The following MICU2 variants were observed in gnomAD, a reference collection of about 807,000 sequenced individuals.
MICU2 encodes mitochondrial calcium uptake 2.
A neutral mutation model predicts 60.4 loss-of-function variants in MICU2; 64 were observed. The ratio of observed to expected loss-of-function variants is 1.06; its 90% CI spans 0.87 to 1.31. The LOEUF (loss-of-function observed/expected upper bound fraction) is 1.31. MICU2 is among the 50% of genes most tolerant of loss of function. The probability of loss-of-function intolerance (pLI) is 0.00; values close to 1 mark genes in which losing one functional copy is unlikely to be tolerated. For missense variants in MICU2, 569 were observed against 531.0 expected, an observed-to-expected ratio of 1.07 and a Z score of -0.70; for synonymous variants, 201 against 175.0, an observed-to-expected ratio of 1.15 and a Z score of -1.17.
At chr13:21,583,850 T>G (rs997424282) in intron 1 of MICU2, among the ~76,000 whole-genome samples, 1 of 152,122 alleles carries the variant, frequency 6.6e-6, no homozygotes, top group Non-Finnish European at 1.5e-5. Flanking sequence ...ACTGAAAAAG[T>G]TTTTGTCCTT....
intron 1 of MICU2, among the ~76,000 whole-genome samples, chr13:21,579,633 C>A (rs1029643000): frequency 6.6e-6 from 1 of 152,142 alleles, no homozygotes; most frequent in Non-Finnish European, 1.5e-5. Flanking sequence ...TGAGCCACCA[C>A]GCCCGACTCA....
At chr13:21,525,793 A>C (rs1455779381) in intron 4 of MICU2, among the ~76,000 whole-genome samples, 1 of 151,774 alleles carries the variant, frequency 6.6e-6, no homozygotes, top group Non-Finnish European at 1.5e-5. Flanking sequence ...TCTGGTTATT[A>C]TCCCTTATTA....
rs191826219 is a variant in MICU2 at position 21,504,717 on chromosome 13, T to C, written c.762-1620A>G. Among the ~76,000 whole-genome samples the C allele has an allele frequency of 4.3e-4, 66 of 152,320 alleles. 1 individual carries two copies. The East Asian group carries it at 0.011, about 25-fold the overall frequency. On this transcript the variant is annotated intron_variant, in intron 8 of 11. Transcript: ENST00000382374. ...AATGGGAGAGATCTGTTTTTCCTTA[T>C]TGGAATTGTTTAGGCAGTGTTGTAC...
chr13:21,530,157 C>T (rs545544034), intron 4 of MICU2, among the ~76,000 whole-genome samples: 6 of 152,294 alleles, frequency 3.9e-5, no homozygotes, highest in Admixed American at 3.3e-4. Context: ...ATTTCCCTGC[C>T]AGTCCTTTAT....
chr13:21,571,353 T>C lies in MICU2; in HGVS notation c.211-4409A>G, dbSNP rs187470236. ...AGTTATTTGAGACCAGCCTGAGCAA[T>C]GTAGTGAGACCCTGTCTCTATAAAA... On this transcript the variant is annotated intron_variant, in intron 1 of 11. Transcript: ENST00000382374. 1.7e-3 allele frequency among the ~76,000 whole-genome samples: 258 copies of C among 152,122 alleles called. 3 individuals carry two copies. The highest frequency in any genetic ancestry group is 6.0e-3 in the African/African-American group (250 of 41,498).
intron 2 of MICU2, among the ~76,000 whole-genome samples, chr13:21,558,219 A>T (rs2138028720): frequency 6.6e-6 from 1 of 152,274 alleles, no homozygotes; most frequent in East Asian, 1.9e-4. Flanking sequence ...GTTGCTCCTC[A>T]GGGAGGCAGT....
At chr13:21,512,173 C>T (rs1461267326) in intron 7 of MICU2, among the ~76,000 whole-genome samples, 1 of 152,146 alleles carries the variant, frequency 6.6e-6, no homozygotes, top group African/African-American at 2.4e-5. Context: ...GTATATCTCT[C>T]TATGGTTTTA....
intron 6 of MICU2, among the ~76,000 whole-genome samples, chr13:21,520,363 C>A (rs1374821929): frequency 6.6e-6 from 1 of 152,130 alleles, no homozygotes; most frequent in Non-Finnish European, 1.5e-5. Flanking sequence ...AAAGAATCTG[C>A]CAATTTTGTT....
chr13:21,518,872 A>C lies in MICU2; in HGVS notation c.597+2373T>G, dbSNP rs116841139. On this transcript the variant is annotated intron_variant, in intron 6 of 11. Transcript: ENST00000382374. ...TTGATTAAGTCCTCAAATATCTCAAATGAATATTTTTATCTACTGCTACCA... is the reference window on the plus strand; with the variant it reads ...TTGATTAAGTCCTCAAATATCTCAACTGAATATTTTTATCTACTGCTACCA... Among the ~76,000 whole-genome samples, 802 of 152,264 alleles carry C rather than the reference A, an allele frequency of 5.3e-3. 5 individuals are homozygous for C. The highest frequency in any genetic ancestry group is 0.01 in the Middle Eastern group (3 of 294).
At chr13:21,540,451 T>C (rs1887254293) in intron 2 of MICU2, among the ~76,000 whole-genome samples, 1 of 152,192 alleles carries the variant, frequency 6.6e-6, no homozygotes, top group African/African-American at 2.4e-5. Context: ...GTCTATGAAG[T>C]TCCTTCAGCA....
chr13:21,593,441 A>G (rs1427945451), intron 1 of MICU2, among the ~76,000 whole-genome samples: 1 of 152,072 alleles, frequency 6.6e-6, no homozygotes, highest in African/African-American at 2.4e-5. Context: ...AGACTGTCAA[A>G]AGTAATTTAT....
intron 2 of MICU2, among the ~76,000 whole-genome samples, chr13:21,553,149 C>T (rs1171007628): frequency 6.6e-6 from 1 of 152,150 alleles, no homozygotes; most frequent in Non-Finnish European, 1.5e-5. Flanking sequence ...CCTTCACAAT[C>T]CCTTGTAAGT....
intron 4 of MICU2, among the ~76,000 whole-genome samples, chr13:21,537,143 T>G (rs1887150250): frequency 2.0e-5 from 3 of 152,210 alleles, no homozygotes; most frequent in African/African-American, 7.2e-5. Flanking sequence ...TAAATTTTTC[T>G]TCCTATTTTA....
Position 21,529,421 on chromosome 13 carries a change from G to A in MICU2, c.467-6771C>T, listed in dbSNP as rs544377989. 1.7e-3 allele frequency among the ~76,000 whole-genome samples: 255 copies of A among 152,342 alleles called. 3 individuals carry two copies. The highest frequency in any genetic ancestry group is 5.9e-3 in the African/African-American group (247 of 41,578). ...GCAGCTAGTTTGTAAATACACAGAT[G>A]GCTGAGGCTCAGGAGTGTAGCCTGG... On this transcript the variant is annotated intron_variant, in intron 4 of 11. Coordinates refer to ENST00000382374, the MANE Select transcript of MICU2 (RefSeq NM_152726.3).
intron 9 of MICU2, among the ~76,000 whole-genome samples, chr13:21,499,584 G>GT (rs1886092476): frequency 6.6e-6 from 1 of 151,376 alleles, no homozygotes. Context: ...CTAATTTTTT[G>GT]TATTTTTAGT....
intron 8 of MICU2, among the ~76,000 whole-genome samples, chr13:21,507,735 C>A (rs1473350313): frequency 6.6e-6 from 1 of 151,648 alleles, no homozygotes; most frequent in African/African-American, 2.4e-5. Flanking sequence ...TCCCAAGTAG[C>A]TGGGATTACA....
intron 1 of MICU2, among the ~76,000 whole-genome samples, chr13:21,574,178 G>A (rs1888174923): frequency 6.6e-6 from 1 of 152,180 alleles, no homozygotes; most frequent in Non-Finnish European, 1.5e-5. Flanking sequence ...ATCCCTACCC[G>A]AGATGCAACT....
chr13:21,589,293 G>C (rs1195763384), intron 1 of MICU2, among the ~76,000 whole-genome samples: 1 of 152,168 alleles, frequency 6.6e-6, no homozygotes, highest in Non-Finnish European at 1.5e-5. Flanking sequence ...CCTCACAGCC[G>C]TAATGGGTGT....
chr13:21,595,679 C>A (rs976286157), intron 1 of MICU2, among the ~76,000 whole-genome samples: 1 of 152,370 alleles, frequency 6.6e-6, no homozygotes, highest in South Asian at 2.1e-4. Flanking sequence ...CCCCTTCCAC[C>A]AATGGTAGGC....
Sources: gnomAD v4.1 joint callset for allele counts (sites outside exome capture counted in the v4.1 genomes callset) on GRCh38, gnomAD v4.1.1 for gene constraint, MANE v1.5 for transcripts, NCBI Gene and HGNC (gene_info 2026-07-23, HGNC 2026-07-21) for gene names.